Variants in WNK2 observed in about 807,000 individuals in gnomAD.
WNK2 encodes serine/threonine-protein kinase WNK2.
In WNK2, 67 loss-of-function variants were observed where a neutral mutation model predicts 192.1. The ratio of observed to expected loss-of-function variants is 0.35; its 90% CI spans 0.29 to 0.43. WNK2 has a LOEUF of 0.43. Ranked by LOEUF, WNK2 falls within the 20% of genes least tolerant of loss-of-function variation. WNK2 has a pLI of 1.00. For synonymous variants in WNK2, 1,439 were observed against 1,393.9 expected, an observed-to-expected ratio of 1.03 and a Z score of -0.72; for missense variants, 2,698 against 3,089.7, an observed-to-expected ratio of 0.87 and a Z score of 3.01.
Position 93,292,276 on chromosome 9 carries a change from C to T in WNK2, c.4937-32C>T, listed in dbSNP as rs767481224. 9.9e-6 allele frequency: 16 copies of T among 1,611,090 alleles called. No individual in the cohort carries two copies. In the African/African-American group the frequency reaches 1.7e-4, roughly 17 times the overall value. On this transcript the variant is annotated intron_variant, in intron 21 of 29. Coordinates refer to ENST00000427277, the MANE Select transcript of WNK2 (RefSeq NM_006648.4). ...CCATCTCTGCCTCTTCCTCCTCCTTCAGCCCCAGTAACGTTTCTGATGTTC... is the reference window on the plus strand; with the variant it reads ...CCATCTCTGCCTCTTCCTCCTCCTTTAGCCCCAGTAACGTTTCTGATGTTC...
chr9:93,228,957 G>A (rs755939762), intron 2 of WNK2, among the ~76,000 whole-genome samples: 1 of 152,294 alleles, frequency 6.6e-6, no homozygotes, highest in East Asian at 1.9e-4. Context: ...GTGTTTGAAT[G>A]TGGTGCCTGG....
intron 19 of WNK2, among the ~76,000 whole-genome samples, chr9:93,286,394 A>G (rs761280714): frequency 1.3e-5 from 2 of 152,214 alleles, no homozygotes; most frequent in Non-Finnish European, 2.9e-5. Flanking sequence ...CCAGATGGCC[A>G]GTGAACACAG....
chr9:93,288,297 C>T (rs567773427), intron 19 of WNK2, among the ~76,000 whole-genome samples: 11 of 152,344 alleles, frequency 7.2e-5, no homozygotes, highest in African/African-American at 2.4e-4. Context: ...CTGAAGGCTT[C>T]AGGCTCCTGC....
At position 93,257,519 on chromosome 9, in the gene WNK2, A is replaced by G. The variant is rs114101693; in HGVS notation, c.2382+380A>G. ...CCCCATCACCTGGCACCCTCCCAGC[A>G]AGGTGCCCATCTGCCCTCAGCTTAC... On this transcript the variant is annotated intron_variant, in intron 11 of 29. Transcript: ENST00000427277. The surrounding 1 kb of genome is among the most constrained non-coding windows in gnomAD (Gnocchi z 4.7). 0.024 allele frequency among the ~76,000 whole-genome samples: 3,636 copies of G among 152,238 alleles called. 143 individuals carry two copies. The highest frequency in any genetic ancestry group is 0.084 in the African/African-American group (3,472 of 41,526).
chr9:93,318,697 T>C (rs1855152509), intron 29 of WNK2: 2 of 1,472,948 alleles, frequency 1.4e-6, no homozygotes, highest in African/African-American at 1.4e-5. Flanking sequence ...TGGAGACCTG[T>C]GGCTCTGCTC....
chr9:93,185,298 G>A lies in WNK2; in HGVS notation c.369G>A (p.Glu123=). The A allele has an allele frequency of 6.9e-7, 1 of 1,458,820 alleles. No individual in the cohort carries two copies. The highest frequency in any genetic ancestry group is 9.0e-7 in the Non-Finnish European group (1 of 1,111,874). 90.4% of individuals were successfully genotyped at this position (1,458,820 alleles called of 1,614,324 possible). A position where few individuals can be genotyped will look rare whatever the true frequency, so the allele number is the denominator to read the frequency against. The change falls in exon 2 of 30, where the codon GAG becomes GAA. Residue 123 remains glutamate (E), a synonymous_variant. Coordinates refer to ENST00000427277, the MANE Select transcript of WNK2 (RefSeq NM_006648.4). The stretch of plus-strand genomic sequence containing the variant: ...GCCCCGAGCCCGTGGGCACGCAGGA[G>A]CCCGGCCCGGACCCCATCGCAGCCG... ...DAGPEPVGTQ[E]PGPDPIAAAV... is the part of the protein sequence containing the mutation.
At chr9:93,256,558 A>T in intron 10 of WNK2, 104 bp downstream of exon 10, 1 of 1,332,174 alleles carries the variant, frequency 7.5e-7, no homozygotes, top group Non-Finnish European at 9.9e-7. Flanking sequence ...CCCTTCGCTC[A>T]AATTCTCTGT....
intron 2 of WNK2, among the ~76,000 whole-genome samples, chr9:93,204,140 G>T (rs1013264826): frequency 2.0e-5 from 3 of 152,120 alleles, no homozygotes; most frequent in Non-Finnish European, 1.5e-5. Context: ...TTAACTGCCT[G>T]CTTGGTCAGT....
chr9:93,285,057 C>T (rs1848255534), intron 19 of WNK2, among the ~76,000 whole-genome samples: 1 of 152,102 alleles, frequency 6.6e-6, no homozygotes, highest in Non-Finnish European at 1.5e-5. Context: ...AGGTAATATT[C>T]CTTTTAGCAT....
At chr9:93,211,765 G>T (rs115530465) in intron 2 of WNK2, among the ~76,000 whole-genome samples, 1 of 147,998 alleles carries the variant, frequency 6.8e-6, no homozygotes, top group Non-Finnish European at 1.5e-5. Context: ...TCACTCACTC[G>T]TCCACTTACT....
chr9:93,193,236 G>T (rs1157134150), intron 2 of WNK2, among the ~76,000 whole-genome samples: 1 of 152,210 alleles, frequency 6.6e-6, no homozygotes, highest in Non-Finnish European at 1.5e-5. Context: ...GGAGGGCCCT[G>T]CCATGTTCCC....
intron 2 of WNK2, among the ~76,000 whole-genome samples, chr9:93,208,779 GCGGC>G (rs146863878): frequency 6.6e-4 from 1 of 1,512 alleles, no homozygotes; most frequent in Non-Finnish European, 4.2e-3. Context: ...TGTGTGTTCT[GCGGC>G]TGTGTGTGCT....
At chr9:93,192,270 A>G (rs921702958) in intron 2 of WNK2, among the ~76,000 whole-genome samples, 3 of 150,824 alleles carry the variant, frequency 2.0e-5, no homozygotes, top group Non-Finnish European at 3.0e-5. Flanking sequence ...CCGAGATCGC[A>G]CCACTGCACT....
intron 5 of WNK2, 135 bp downstream of exon 5, chr9:93,235,100 A>C: frequency 9.1e-7 from 1 of 1,102,294 alleles, no homozygotes; most frequent in Admixed American, 2.7e-5. Context: ...GCAGAGGGGG[A>C]AACTGAGGAG....
intron 23 of WNK2, among the ~76,000 whole-genome samples, chr9:93,295,274 C>T (rs554928878): frequency 2.6e-5 from 4 of 152,136 alleles, no homozygotes; most frequent in South Asian, 2.1e-4. Context: ...CTGGATAAGA[C>T]GCTCCCCTGC....
chr9:93,246,578 G>A lies in WNK2; in HGVS notation c.1543-965G>A, dbSNP rs148583565. ...CCTCTCCACACCTGAGGAGCCTGGC[G>A]TCCACTATCCCTAATATATTTTCTT... On this transcript the variant is annotated intron_variant, in intron 7 of 29. Coordinates refer to ENST00000427277, the MANE Select transcript of WNK2 (RefSeq NM_006648.4). Among the ~76,000 whole-genome samples the A allele has an allele frequency of 2.1e-4, 32 of 152,336 alleles. No homozygotes were observed. The East Asian group carries it at 4.0e-3, about 19-fold the overall frequency.
At chr9:93,202,835 A>G (rs1013926076) in intron 2 of WNK2, among the ~76,000 whole-genome samples, 2 of 151,954 alleles carry the variant, frequency 1.3e-5, no homozygotes, top group Non-Finnish European at 2.9e-5. Flanking sequence ...TGCTTGCTGG[A>G]CACTTCTGGC....
intron 2 of WNK2, among the ~76,000 whole-genome samples, chr9:93,219,233 T>C (rs1836348282): frequency 1.3e-5 from 2 of 152,250 alleles, no homozygotes; most frequent in Admixed American, 6.5e-5. Context: ...TAAATGTGAA[T>C]GGTCTGTATC....
chr9:93,276,770 GCTCACACCTGT>G (rs1335267076), intron 19 of WNK2, among the ~76,000 whole-genome samples: 1 of 152,232 alleles, frequency 6.6e-6, no homozygotes, highest in Non-Finnish European at 1.5e-5. Flanking sequence ...GAGTGCAGTG[GCTCACACCTGT>G]AATCCCAGCA....
Sources: gnomAD v4.1 joint callset for allele counts (sites outside exome capture counted in the v4.1 genomes callset) on GRCh38, gnomAD v4.1.1 for gene constraint, Gnocchi (gnomAD v3.1) non-coding constraint, MANE v1.5 for transcripts, NCBI Gene and HGNC (gene_info 2026-07-23, HGNC 2026-07-21) for gene names.